Variants in SLA observed in about 807,000 individuals in gnomAD.
SLA encodes the protein Src like adaptor, also known as src-like-adapter.
A neutral mutation model predicts 30.3 loss-of-function variants in SLA; 16 were observed. The ratio of observed to expected loss-of-function variants is 0.53; its 90% CI spans 0.36 to 0.80. SLA has a LOEUF of 0.80. Among genes scored for constraint, SLA ranks in the 30% least tolerant of loss-of-function variants. The probability of loss-of-function intolerance (pLI) is 0.01; values close to 1 mark genes in which losing one functional copy is unlikely to be tolerated. For synonymous variants in SLA, 143 were observed against 137.8 expected, an observed-to-expected ratio of 1.04 and a Z score of -0.26; for missense variants, 310 against 345.2, an observed-to-expected ratio of 0.90 and a Z score of 0.81.
intron 3 of SLA, chr8:133,059,303 A>G (rs967177976): frequency 8.2e-6 from 3 of 364,324 alleles, no homozygotes; most frequent in Non-Finnish European, 1.6e-5. Context: ...AAGACCCCAC[A>G]ATATGAGAAT....
intron 1 of SLA, among the ~76,000 whole-genome samples, chr8:133,093,275 T>C (rs1847875384): frequency 6.6e-6 from 1 of 152,186 alleles, no homozygotes; most frequent in Non-Finnish European, 1.5e-5. Flanking sequence ...CTTGGGTCAT[T>C]GAATTCCAGG....
intron 1 of SLA, among the ~76,000 whole-genome samples, chr8:133,102,110 T>A (rs1358875310): frequency 1.3e-5 from 2 of 152,236 alleles, no homozygotes; most frequent in South Asian, 2.1e-4. Context: ...CTTAATTTTT[T>A]AATTTTAATA....
intron 2 of SLA, among the ~76,000 whole-genome samples, chr8:133,071,687 A>G (rs767930893): frequency 1.3e-5 from 2 of 152,030 alleles, no homozygotes. Context: ...ACTGGAGGGA[A>G]CACGTTCAGC....
At chr8:133,090,856 G>A (rs1001559728) in intron 1 of SLA, among the ~76,000 whole-genome samples, 1 of 152,104 alleles carries the variant, frequency 6.6e-6, no homozygotes, top group Non-Finnish European at 1.5e-5. Context: ...TTTTTACTTT[G>A]CTTTGGCCTC....
chr8:133,099,873 T>C (rs569681011), intron 1 of SLA, among the ~76,000 whole-genome samples: 16 of 152,296 alleles, frequency 1.1e-4, no homozygotes, highest in East Asian at 5.8e-4. Context: ...TTATTTGAGA[T>C]TTTTGTGCTA....
At chr8:133,093,950 G>T (rs989070339) in intron 1 of SLA, among the ~76,000 whole-genome samples, 2 of 152,184 alleles carry the variant, frequency 1.3e-5, no homozygotes, top group Admixed American at 6.5e-5. Context: ...ATCCACAGTG[G>T]TTGCTATTAT....
intron 1 of SLA, among the ~76,000 whole-genome samples, chr8:133,085,290 C>G (rs763694029): frequency 2.0e-5 from 3 of 152,154 alleles, no homozygotes; most frequent in African/African-American, 7.2e-5. Context: ...GGACCTTGCA[C>G]TAGGCAAGCA....
intron 8 of SLA, among the ~76,000 whole-genome samples, chr8:133,039,015 T>C (rs140478775): frequency 3.2e-4 from 49 of 152,214 alleles, no homozygotes; most frequent in South Asian, 1.2e-3. Context: ...GTAGCTGGGA[T>C]TACAACCATC....
intron 2 of SLA, among the ~76,000 whole-genome samples, chr8:133,067,482 C>T (rs190655413): frequency 5.9e-5 from 9 of 152,228 alleles, no homozygotes; most frequent in South Asian, 2.1e-4. Context: ...TGGGGAAGAA[C>T]GTGGGATCCT....
At chr8:133,061,693 T>G (rs1842389887) in intron 2 of SLA, among the ~76,000 whole-genome samples, 1 of 152,186 alleles carries the variant, frequency 6.6e-6, no homozygotes, top group South Asian at 2.1e-4. Context: ...ATCTCCCACC[T>G]ACCTGTGTCT....
chr8:133,074,732 T>G (rs754782538), intron 2 of SLA, 121 bp downstream of exon 2: 3 of 434,996 alleles, frequency 6.9e-6, no homozygotes, highest in Non-Finnish European at 9.2e-6. Context: ...CTCAAGACAT[T>G]GCCCCACCTG....
chr8:133,092,713 A>G (rs1260576963), intron 1 of SLA, among the ~76,000 whole-genome samples: 1 of 151,574 alleles, frequency 6.6e-6, no homozygotes, highest in African/African-American at 2.4e-5. Flanking sequence ...CCCCAATCCC[A>G]TGCTCTCTAC....
At chr8:133,040,181 AG>A (rs1837953560) in intron 7 of SLA, 51 bp from the exon 8 acceptor site, 1 of 1,552,812 alleles carries the variant, frequency 6.4e-7, no homozygotes, top group African/African-American at 1.4e-5. Flanking sequence ...CGCCTCAGCC[AG>A]TGTGGGGTTC....
At chr8:133,052,918 T>C (rs1840682671) in intron 3 of SLA, among the ~76,000 whole-genome samples, 1 of 152,136 alleles carries the variant, frequency 6.6e-6, no homozygotes, top group African/African-American at 2.4e-5. Context: ...GTCTGGAAAA[T>C]GAGAGGTTGA....
chr8:133,071,053 C>T (rs866188352), intron 2 of SLA, among the ~76,000 whole-genome samples: 23 of 152,220 alleles, frequency 1.5e-4, no homozygotes, highest in African/African-American at 4.1e-4. Context: ...GGTGTCAGTT[C>T]GCCTTTCTAT....
At chr8:133,079,712 A>C (rs1202221981) in intron 1 of SLA, among the ~76,000 whole-genome samples, 2 of 152,176 alleles carry the variant, frequency 1.3e-5, no homozygotes, top group Non-Finnish European at 2.9e-5. Context: ...AAATATTCAA[A>C]AGTTTGGAAG....
chr8:133,047,685 C>T (rs543427439), intron 6 of SLA, 145 bp downstream of exon 6: 28 of 674,572 alleles, frequency 4.2e-5, no homozygotes, highest in East Asian at 3.0e-4. Flanking sequence ...TCCCCAGCAG[C>T]GTGTGGGCTG....
chr8:133,082,519 C>T (rs984020567), intron 1 of SLA, among the ~76,000 whole-genome samples: 7 of 152,170 alleles, frequency 4.6e-5, no homozygotes, highest in Non-Finnish European at 8.8e-5. Flanking sequence ...TCCTGATAAT[C>T]GACTAGCTTG....
intron 1 of SLA, among the ~76,000 whole-genome samples, chr8:133,077,180 G>A (rs1221990181): frequency 6.6e-6 from 1 of 152,152 alleles, no homozygotes; most frequent in African/African-American, 2.4e-5. Flanking sequence ...AGAAGGGACT[G>A]CTGGTTTCAC....
Sources: allele counts gnomAD v4.1 joint callset (sites outside exome capture counted in the v4.1 genomes callset), GRCh38; gene constraint gnomAD v4.1.1; transcripts MANE v1.5; gene names NCBI Gene and HGNC (gene_info 2026-07-23, HGNC 2026-07-21).